Variants in CCDC171 observed in about 807,000 individuals in gnomAD.
CCDC171 encodes coiled-coil domain-containing protein 171.
In CCDC171, 177 loss-of-function variants were observed where a neutral mutation model predicts 168.2. The ratio of observed to expected loss-of-function variants is 1.05; its 90% CI spans 0.93 to 1.19. The LOEUF (loss-of-function observed/expected upper bound fraction) is 1.19. CCDC171 is among the 50% of genes most tolerant of loss of function. The pLI is 0.00. For missense variants in CCDC171, 1,991 were observed against 1,539.0 expected (o/e 1.29, Z -4.91); for synonymous variants, 687 against 540.8 (o/e 1.27, Z -3.75).
intron 21 of CCDC171, among the ~76,000 whole-genome samples, chr9:15,804,356 T>G (rs549341349): frequency 6.6e-6 from 1 of 152,156 alleles, no homozygotes; most frequent in Non-Finnish European, 1.5e-5. Flanking sequence ...CTGTATGATA[T>G]TGGCTGTGTT....
At position 15,564,631 on chromosome 9, in the gene CCDC171, T is replaced by G. The variant is rs903127840; in HGVS notation, c.41+502T>G. ...TAATTGCTGTTGCTCATCTTTTTTGTACCATTGATTTCTGCCTTTGGGCGT... is the reference window on the plus strand; with the variant it reads ...TAATTGCTGTTGCTCATCTTTTTTGGACCATTGATTTCTGCCTTTGGGCGT... On this transcript the variant is annotated intron_variant, in intron 2 of 25. Transcript: ENST00000380701. Among the ~76,000 whole-genome samples the G allele has an allele frequency of 7.2e-5, 11 of 152,362 alleles. No homozygotes were observed. In the East Asian group the frequency reaches 2.1e-3, roughly 29 times the overall value.
In CCDC171 at chr9:15,838,138, A is replaced by G. The variant is rs539328068; in HGVS notation, c.3268-8564A>G. Among the ~76,000 whole-genome samples the G allele has an allele frequency of 1.1e-3, 165 of 152,322 alleles. 1 individual carries two copies. Among genetic ancestry groups the G allele is most frequent in the African/African-American group, 3.3e-3 (136 of 41,572 alleles). On this transcript the variant is annotated intron_variant, in intron 21 of 25. Coordinates refer to ENST00000380701, the MANE Select transcript of CCDC171 (RefSeq NM_173550.4). ...AATAATTAATGGAAATAGAAAATATATGGCTAGAATGTGCGTTTATAGGAA... is the reference window on the plus strand; with the variant it reads ...AATAATTAATGGAAATAGAAAATATGTGGCTAGAATGTGCGTTTATAGGAA...
chr9:15,775,026 C>T (rs539680760), intron 18 of CCDC171, among the ~76,000 whole-genome samples: 1 of 152,254 alleles, frequency 6.6e-6, no homozygotes, highest in Non-Finnish European at 1.5e-5. Flanking sequence ...GTGATGGGTG[C>T]ACCAGAATTT....
intron 7 of CCDC171, among the ~76,000 whole-genome samples, chr9:15,630,814 A>G (rs1207556589): frequency 6.6e-6 from 1 of 152,252 alleles, no homozygotes; most frequent in Non-Finnish European, 1.5e-5. Context: ...AAATTATAAC[A>G]AACTGTCTCT....
chr9:15,703,069 A>G (rs999135803), intron 11 of CCDC171, among the ~76,000 whole-genome samples: 39 of 151,716 alleles, frequency 2.6e-4, no homozygotes, highest in African/African-American at 8.2e-4. Context: ...ACACCCAGCT[A>G]ATTTTTTTTA....
At chr9:15,669,419 C>A (rs1196586017) in intron 9 of CCDC171, among the ~76,000 whole-genome samples, 1 of 152,058 alleles carries the variant, frequency 6.6e-6, no homozygotes, top group African/African-American at 2.4e-5. Flanking sequence ...ATGATCAAAT[C>A]AGGGTAATTG....
chr9:15,791,356 G>A lies in CCDC171; in HGVS notation c.3267+6662G>A, dbSNP rs971586709. On this transcript the variant is annotated intron_variant, in intron 21 of 25. Transcript: ENST00000380701. ...TCCTAGGTATTTTATTCTCTTTGAA[G>A]CAATTGTGAATGGGAGTTCACTCAT... is the stretch of plus-strand genomic sequence containing the variant. Among the ~76,000 whole-genome samples the A allele has an allele frequency of 5.3e-5, 8 of 152,160 alleles. No homozygotes were observed. In the East Asian group the frequency reaches 1.5e-3, roughly 29 times the overall value.
At chr9:16,108,650 C>T in the CCDC171 span, among the ~76,000 whole-genome samples, 1 of 152,098 alleles carries the variant, frequency 6.6e-6, no homozygotes, top group Non-Finnish European at 1.5e-5. Flanking sequence ...ATACTCAGTC[C>T]GAATAAACCT....
intron 2 of CCDC171, among the ~76,000 whole-genome samples, chr9:15,568,404 G>C (rs1474530652): frequency 6.6e-6 from 1 of 151,490 alleles, no homozygotes; most frequent in Non-Finnish European, 1.5e-5. Context: ...CGGAGTAGCT[G>C]GGACTACAGG....
chr9:15,706,622 A>G (rs2052257480), intron 11 of CCDC171, among the ~76,000 whole-genome samples: 1 of 152,120 alleles, frequency 6.6e-6, no homozygotes, highest in South Asian at 2.1e-4. Flanking sequence ...ATTTCTTCTA[A>G]TAGTTTCACT....
intron 21 of CCDC171, among the ~76,000 whole-genome samples, chr9:15,832,735 G>T (rs1355823970): frequency 6.6e-6 from 1 of 152,174 alleles, no homozygotes; most frequent in Non-Finnish European, 1.5e-5. Context: ...GACTTTATAA[G>T]CACTGTATAC....
intron 21 of CCDC171, among the ~76,000 whole-genome samples, chr9:15,827,554 G>C (rs186137100): frequency 6.6e-6 from 1 of 152,078 alleles, no homozygotes; most frequent in Non-Finnish European, 1.5e-5. Flanking sequence ...GTTTATTTTC[G>C]TAGAAATCTT....
intron 3 of CCDC171, among the ~76,000 whole-genome samples, chr9:15,979,571 A>G (rs988240411): frequency 3.3e-5 from 5 of 152,036 alleles, no homozygotes; most frequent in African/African-American, 9.7e-5. Flanking sequence ...CCTGTATTCT[A>G]TTAATATGAT....
At chr9:16,069,932 C>G in the CCDC171 span, among the ~76,000 whole-genome samples, 1 of 152,158 alleles carries the variant, frequency 6.6e-6, no homozygotes, top group Non-Finnish European at 1.5e-5. Context: ...AGGGCTCCCC[C>G]TCCCATAGCA....
intron 16 of CCDC171, among the ~76,000 whole-genome samples, chr9:15,731,040 C>A (rs569844199): frequency 3.3e-5 from 5 of 152,084 alleles, no homozygotes; most frequent in Middle Eastern, 3.4e-3. Context: ...ATATCTATCA[C>A]CTTGAGCATT....
chr9:15,867,957 G>A (rs2131107674), intron 23 of CCDC171, among the ~76,000 whole-genome samples: 1 of 152,138 alleles, frequency 6.6e-6, no homozygotes, highest in East Asian at 1.9e-4. Context: ...GACTTTATAA[G>A]ATGTCCATGA....
intron 21 of CCDC171, chr9:15,845,686 G>A (rs1352644812): frequency 1.3e-5 from 2 of 151,958 alleles, no homozygotes; most frequent in African/African-American, 4.8e-5. Context: ...AACTGAGCAA[G>A]AAGAAAACAT....
intron 21 of CCDC171, among the ~76,000 whole-genome samples, chr9:15,835,843 A>G (rs1447635862): frequency 6.6e-6 from 1 of 152,202 alleles, no homozygotes; most frequent in East Asian, 1.9e-4. Flanking sequence ...CATATTTTTA[A>G]GTGTACCTAT....
intron 14 of CCDC171, among the ~76,000 whole-genome samples, chr9:15,725,524 A>G (rs1354897290): frequency 6.6e-6 from 1 of 152,024 alleles, no homozygotes; most frequent in Non-Finnish European, 1.5e-5. Flanking sequence ...ATCTGGGCTC[A>G]TTGCAACCTC....
Sources: gnomAD v4.1 joint callset for allele counts (sites outside exome capture counted in the v4.1 genomes callset) on GRCh38, gnomAD v4.1.1 for gene constraint, MANE v1.5 for transcripts, NCBI Gene and HGNC (gene_info 2026-07-23, HGNC 2026-07-21) for gene names.